OSBPL1A: variants seen among roughly 807,000 people sequenced by gnomAD.
The protein encoded by OSBPL1A is oxysterol binding protein like 1A.
A neutral mutation model predicts 137.1 loss-of-function variants in OSBPL1A; 80 were observed. That is an observed-to-expected ratio of 0.58 (90% CI 0.49 to 0.70). OSBPL1A has a LOEUF of 0.70. OSBPL1A is among the 30% of genes least tolerant of loss of function. The pLI, the probability that OSBPL1A is intolerant of heterozygous loss-of-function variation, is 0.00. For synonymous variants in OSBPL1A, 365 were observed against 389.7 expected (o/e 0.94, Z 0.75); for missense variants, 970 against 1,129.4 (o/e 0.86, Z 2.02).
chr18:24,182,065 C>T (rs2086620741), intron 18 of OSBPL1A, among the ~76,000 whole-genome samples: 1 of 126,596 alleles, frequency 7.9e-6, no homozygotes, highest in African/African-American at 2.9e-5. Context: ...AATTTCACAG[C>T]TTTTGAAATG....
At chr18:24,263,705 G>A (rs942861935) in intron 15 of OSBPL1A, among the ~76,000 whole-genome samples, 3 of 151,990 alleles carry the variant, frequency 2.0e-5, no homozygotes, top group African/African-American at 4.8e-5. Flanking sequence ...GCGCGATCTC[G>A]GCTCACTGCA....
intron 24 of OSBPL1A, among the ~76,000 whole-genome samples, chr18:24,169,617 G>T (rs1472168169): frequency 6.6e-6 from 1 of 152,230 alleles, no homozygotes; most frequent in East Asian, 1.9e-4. Context: ...CTCATCACCG[G>T]TGGGGCTAAG....
intron 5 of OSBPL1A, among the ~76,000 whole-genome samples, chr18:24,334,865 G>T (rs2091146332): frequency 6.6e-6 from 1 of 152,040 alleles, no homozygotes; most frequent in South Asian, 2.1e-4. Context: ...TTCCTCCTTT[G>T]CAGCCTCTGC....
At chr18:24,348,225 C>A (rs2091380582) in intron 4 of OSBPL1A, among the ~76,000 whole-genome samples, 1 of 152,032 alleles carries the variant, frequency 6.6e-6, no homozygotes, top group Non-Finnish European at 1.5e-5. Context: ...TTAGTTCTTT[C>A]CTGAGAAAAA....
chr18:24,300,165 C>A (rs1308840756), intron 14 of OSBPL1A, among the ~76,000 whole-genome samples: 3 of 152,174 alleles, frequency 2.0e-5, no homozygotes, highest in African/African-American at 7.2e-5. Flanking sequence ...TATACAGAAA[C>A]TCTGATATTC....
At chr18:24,299,169 T>A (rs1427319373) in intron 14 of OSBPL1A, among the ~76,000 whole-genome samples, 26 of 113,030 alleles carry the variant, frequency 2.3e-4, no homozygotes, top group Admixed American at 1.8e-3. Flanking sequence ...GGTTTGTGAT[T>A]TTTTTATCTG....
chr18:24,386,829 T>A (rs534972067), intron 1 of OSBPL1A, among the ~76,000 whole-genome samples: 3 of 152,024 alleles, frequency 2.0e-5, no homozygotes, highest in Non-Finnish European at 2.9e-5. Context: ...CGTGGTGGCA[T>A]GCGCCTGTAG....
chr18:24,385,018 A>C (rs556461315), intron 1 of OSBPL1A, among the ~76,000 whole-genome samples: 35 of 150,948 alleles, frequency 2.3e-4, no homozygotes, highest in Admixed American at 1.5e-3. Flanking sequence ...GCAGTGGCAC[A>C]ATCTCGACTC....
intron 1 of OSBPL1A, among the ~76,000 whole-genome samples, chr18:24,390,694 CAAAAAAAAA>C (rs751432894): frequency 1.2e-4 from 7 of 56,202 alleles, no homozygotes; most frequent in South Asian, 6.5e-4. Flanking sequence ...GACTCCGTCT[CAAAAAAAAA>C]AAAAAAAAAA....
At chr18:24,375,570 A>C (rs1475890513) in intron 2 of OSBPL1A, among the ~76,000 whole-genome samples, 1 of 151,942 alleles carries the variant, frequency 6.6e-6, no homozygotes. Flanking sequence ...CACCTGGTTA[A>C]CTCCTACTCT....
At chr18:24,249,517 C>G (rs1229568428) in intron 15 of OSBPL1A, among the ~76,000 whole-genome samples, 1 of 152,190 alleles carries the variant, frequency 6.6e-6, no homozygotes, top group Non-Finnish European at 1.5e-5. Flanking sequence ...TGAGGAGGGT[C>G]CAACAGACAG....
At chr18:24,221,952 A>T (rs1261517443) in intron 17 of OSBPL1A, among the ~76,000 whole-genome samples, 1 of 152,140 alleles carries the variant, frequency 6.6e-6, no homozygotes, top group African/African-American at 2.4e-5. Context: ...GCCTAGCCAA[A>T]CTTTCTTACT....
In OSBPL1A at chr18:24,341,542, T is replaced by C. The variant is rs1170087179; in HGVS notation, c.394+5A>G. On this transcript the variant is annotated splice_donor_5th_base_variant and intron_variant, in intron 5 of 27. Coordinates refer to ENST00000319481, the MANE Select transcript of OSBPL1A (RefSeq NM_080597.4). ...GCTGTTTATGTTCACATCCATGATATTTACCTTCAAGCATGCTTCTGATTT... is the reference window on the plus strand; with the variant it reads ...GCTGTTTATGTTCACATCCATGATACTTACCTTCAAGCATGCTTCTGATTT... 5.6e-6 allele frequency: 9 copies of C among 1,603,380 alleles called. No homozygotes were observed. The highest frequency in any genetic ancestry group is 2.2e-5 in the East Asian group (1 of 44,722).
At chr18:24,312,861 C>T (rs769328721) in intron 12 of OSBPL1A, among the ~76,000 whole-genome samples, 5 of 152,296 alleles carry the variant, frequency 3.3e-5, no homozygotes, top group East Asian at 1.9e-4. Context: ...ATAGGCCTGC[C>T]GCGGTGGCTC....
At chr18:24,274,766 G>A (rs1023012674) in intron 15 of OSBPL1A, among the ~76,000 whole-genome samples, 2 of 152,042 alleles carry the variant, frequency 1.3e-5, no homozygotes, top group African/African-American at 4.8e-5. Flanking sequence ...AAAATTAGCT[G>A]GGTGTGGTGG....
At chr18:24,299,913 C>A (rs555147741) in intron 14 of OSBPL1A, among the ~76,000 whole-genome samples, 309 of 152,206 alleles carry the variant, frequency 2.0e-3, no homozygotes, top group Non-Finnish European at 3.7e-3. Context: ...TCCTAAGAAT[C>A]CTGAGTTACT....
intron 4 of OSBPL1A, among the ~76,000 whole-genome samples, chr18:24,349,089 C>A (rs2091395663): frequency 6.6e-6 from 1 of 152,060 alleles, no homozygotes; most frequent in African/African-American, 2.4e-5. Flanking sequence ...TTCACTTGAG[C>A]CCAGGAGGTC....
In OSBPL1A at chr18:24,239,076, G is replaced by C. The variant is rs1567967572; in HGVS notation, c.1444+144C>G. On this transcript the variant is annotated intron_variant, in intron 16 of 27. Transcript: ENST00000319481. ...ACATGACACACAAAAAATCTGGGGA[G>C]CTATACCAATACATCGCTATCTGTT... The C allele has an allele frequency of 2.6e-5, 24 of 907,552 alleles. No individual in the cohort carries two copies. The South Asian group carries it at 4.2e-4, about 16-fold the overall frequency. The allele number at this position is 907,552 out of a possible 1,614,324, so 56.2% of individuals were successfully genotyped here.
intron 1 of OSBPL1A, among the ~76,000 whole-genome samples, chr18:24,389,985 A>G (rs1226870416): frequency 2.0e-5 from 3 of 152,128 alleles, no homozygotes; most frequent in Non-Finnish European, 4.4e-5. Context: ...GAACCAAGAT[A>G]AAAATTCCTA....
Sources: gnomAD v4.1 joint callset for allele counts (sites outside exome capture counted in the v4.1 genomes callset) on GRCh38, gnomAD v4.1.1 for gene constraint, MANE v1.5 for transcripts, NCBI Gene and HGNC (gene_info 2026-07-23, HGNC 2026-07-21) for gene names.